Variants in ZNF385D observed in about 807,000 individuals in gnomAD.
ZNF385D encodes the protein zinc finger protein 385D, also known as zinc finger protein 659.
Under a neutral mutation model 35.8 loss-of-function variants are expected in ZNF385D, and 15 were observed. The ratio of observed to expected loss-of-function variants is 0.42; its 90% CI spans 0.28 to 0.64. The LOEUF is 0.64. Ranked by LOEUF, ZNF385D falls within the 30% of genes least tolerant of loss-of-function variation. The pLI, the probability that ZNF385D is intolerant of heterozygous loss-of-function variation, is 0.23. For missense variants in ZNF385D, 474 were observed against 494.6 expected (o/e 0.96, Z 0.39); for synonymous variants, 212 against 186.8 (o/e 1.13, Z -1.10).
chr3:21,542,575 G>A (rs2062210630), intron 3 of ZNF385D, among the ~76,000 whole-genome samples: 1 of 152,018 alleles, frequency 6.6e-6, no homozygotes, highest in Non-Finnish European at 1.5e-5. Context: ...TCAATCCCTT[G>A]GCCTGCCAGT....
intron 3 of ZNF385D, among the ~76,000 whole-genome samples, chr3:22,126,767 C>A (rs907212218): frequency 6.6e-6 from 1 of 152,074 alleles, no homozygotes; most frequent in Non-Finnish European, 1.5e-5. Flanking sequence ...CTGCCCAATG[C>A]TGAAAGTGGA....
At chr3:21,692,936 C>T (rs1423107208) in intron 1 of ZNF385D, among the ~76,000 whole-genome samples, 2 of 152,188 alleles carry the variant, frequency 1.3e-5, no homozygotes, top group Admixed American at 6.5e-5. Context: ...ATACTGCTCA[C>T]TCCTTGAAGG....
intron 3 of ZNF385D, among the ~76,000 whole-genome samples, chr3:21,886,167 G>C (rs1387837699): frequency 1.3e-5 from 2 of 151,976 alleles, no homozygotes; most frequent in Non-Finnish European, 2.9e-5. Context: ...CACTGATCCT[G>C]GCCTTATCTC....
intron 2 of ZNF385D, among the ~76,000 whole-genome samples, chr3:22,352,141 T>C (rs1255578503): frequency 6.6e-6 from 1 of 152,160 alleles, no homozygotes; most frequent in Non-Finnish European, 1.5e-5. Context: ...AAGAAGTCTG[T>C]AATAAGTTTA....
intron 3 of ZNF385D, among the ~76,000 whole-genome samples, chr3:21,929,513 T>C (rs553824142): frequency 3.3e-5 from 5 of 152,138 alleles, no homozygotes; most frequent in African/African-American, 7.2e-5. Flanking sequence ...AAAAGTAAAA[T>C]TGTTTGTATT....
chr3:22,123,932 C>CTCTCTCTCTG (rs1703255518), intron 3 of ZNF385D, among the ~76,000 whole-genome samples: 1 of 83,470 alleles, frequency 1.2e-5, no homozygotes, highest in African/African-American at 4.4e-5. Flanking sequence ...ATCTCTCTCT[C>CTCTCTCTCTG]TCTCTCTCTC....
intron 2 of ZNF385D, among the ~76,000 whole-genome samples, chr3:22,314,201 G>C (rs1703755757): frequency 6.6e-6 from 1 of 152,068 alleles, no homozygotes. Context: ...TGATTTGTGA[G>C]ATTTTGGTGC....
At chr3:21,605,682 A>T (rs2064458015) in intron 2 of ZNF385D, among the ~76,000 whole-genome samples, 1 of 152,210 alleles carries the variant, frequency 6.6e-6, no homozygotes, top group Non-Finnish European at 1.5e-5. Flanking sequence ...TGTAAAATGG[A>T]GATGACAATA....
intron 3 of ZNF385D, among the ~76,000 whole-genome samples, chr3:22,020,529 T>A (rs781729065): frequency 8.6e-5 from 13 of 151,702 alleles, no homozygotes; most frequent in Non-Finnish European, 1.9e-4. Context: ...ATGAAAAAAA[T>A]GTACATCACC....
Position 21,787,449 on chromosome 3 carries a change from C to T in ZNF385D, c.326-122421G>A, listed in dbSNP as rs868450240. ...CTAAATGGGAATACCCACCCCTAAG[C>T]CCCGTGCCCCTACTCCTTATCCAGA... On this transcript the variant is annotated intron_variant, in intron 3 of 5. Transcript: ENST00000494108. Among the ~76,000 whole-genome samples the T allele has an allele frequency of 2.0e-5, 3 of 152,080 alleles. No homozygotes were observed. The South Asian group carries it at 6.2e-4, about 31-fold the overall frequency.
chr3:21,773,549 C>A (rs1186914541), intron 3 of ZNF385D, among the ~76,000 whole-genome samples: 1 of 151,764 alleles, frequency 6.6e-6, no homozygotes, highest in Non-Finnish European at 1.5e-5. Context: ...CCAGAATCTA[C>A]AAGGAACTTA....
intron 2 of ZNF385D, among the ~76,000 whole-genome samples, chr3:21,594,058 C>T (rs2064059911): frequency 6.6e-6 from 1 of 152,100 alleles, no homozygotes; most frequent in Non-Finnish European, 1.5e-5. Flanking sequence ...GAGTTGCTGA[C>T]CCACAAGAAC....
chr3:21,711,717 T>C (rs2068116385), intron 1 of ZNF385D, among the ~76,000 whole-genome samples: 1 of 152,176 alleles, frequency 6.6e-6, no homozygotes, highest in Non-Finnish European at 1.5e-5. Flanking sequence ...CATATGCATC[T>C]CCAAAGATAT....
chr3:22,182,492 G>T (rs933534099), intron 2 of ZNF385D, among the ~76,000 whole-genome samples: 1 of 151,870 alleles, frequency 6.6e-6, no homozygotes, highest in African/African-American at 2.4e-5. Context: ...GGCTGGATTT[G>T]GTTTCACAGG....
intron 2 of ZNF385D, among the ~76,000 whole-genome samples, chr3:22,264,497 G>A (rs554236914): frequency 9.9e-5 from 15 of 152,156 alleles, no homozygotes; most frequent in Non-Finnish European, 1.9e-4. Flanking sequence ...ACAATACAGT[G>A]TGACCAAAGA....
chr3:21,924,097 C>T (rs1472468456), intron 3 of ZNF385D, among the ~76,000 whole-genome samples: 1 of 152,136 alleles, frequency 6.6e-6, no homozygotes, highest in Non-Finnish European at 1.5e-5. Context: ...TAAAATAGCT[C>T]AATCAACTAC....
intron 2 of ZNF385D, among the ~76,000 whole-genome samples, chr3:22,221,837 C>A (rs1294532927): frequency 6.6e-6 from 1 of 152,120 alleles, no homozygotes; most frequent in African/African-American, 2.4e-5. Context: ...CTTTATTCAT[C>A]AAAACCTCTA....
intron 3 of ZNF385D, among the ~76,000 whole-genome samples, chr3:22,078,703 C>T (rs1001331798): frequency 6.6e-6 from 1 of 152,004 alleles, no homozygotes; most frequent in Non-Finnish European, 1.5e-5. Context: ...TCAGGCATGG[C>T]TATCAGGAAT....
intron 3 of ZNF385D, among the ~76,000 whole-genome samples, chr3:22,073,948 ACAT>A (rs1179076947): frequency 2.0e-5 from 3 of 151,982 alleles, no homozygotes; most frequent in Non-Finnish European, 2.9e-5. Flanking sequence ...ATTAAAAGGA[ACAT>A]CATTATTAAA....
Sources: gnomAD v4.1 joint callset for allele counts (sites outside exome capture counted in the v4.1 genomes callset) on GRCh38, gnomAD v4.1.1 for gene constraint, MANE v1.5 for transcripts, NCBI Gene and HGNC (gene_info 2026-07-23, HGNC 2026-07-21) for gene names.